Variants in NHSL1 observed in about 807,000 individuals in gnomAD.
NHSL1 encodes NHS like 1.
NHSL1 carries 48 observed loss-of-function variants against 95.0 expected under a neutral mutation model. That is an observed-to-expected ratio of 0.51 (90% CI 0.40 to 0.64). The LOEUF (loss-of-function observed/expected upper bound fraction) is 0.64. NHSL1 is among the 30% of genes least tolerant of loss of function. The pLI is 0.00. For missense variants in NHSL1, 1,971 were observed against 2,077.7 expected, an observed-to-expected ratio of 0.95 and a Z score of 1.00; for synonymous variants, 783 against 833.9, an observed-to-expected ratio of 0.94 and a Z score of 1.05.
chr6:138,561,349 T>G (rs1329397224), intron 1 of NHSL1, among the ~76,000 whole-genome samples: 1 of 152,082 alleles, frequency 6.6e-6, no homozygotes, highest in African/African-American at 2.4e-5. Context: ...GGAGTGATGA[T>G]CTCTTCTTTC....
At chr6:138,497,634 C>T (rs1206073786) in intron 1 of NHSL1, among the ~76,000 whole-genome samples, 4 of 152,118 alleles carry the variant, frequency 2.6e-5, no homozygotes, top group Admixed American at 6.5e-5. Context: ...TCAAATGAAC[C>T]AATATACATA....
chr6:138,629,328 A>G (rs1256852339), intron 1 of NHSL1, among the ~76,000 whole-genome samples: 1 of 152,182 alleles, frequency 6.6e-6, no homozygotes. Context: ...TATGTCCTGA[A>G]AGCACCAAAT....
intron 2 of NHSL1, among the ~76,000 whole-genome samples, chr6:138,487,170 T>C (rs1240785717): frequency 6.6e-6 from 1 of 152,038 alleles, no homozygotes; most frequent in Non-Finnish European, 1.5e-5. Flanking sequence ...GGAGCAAAGG[T>C]GATTCTGCAG....
intron 1 of NHSL1, among the ~76,000 whole-genome samples, chr6:138,601,959 A>T (rs1209135603): frequency 6.6e-6 from 1 of 152,260 alleles, no homozygotes; most frequent in East Asian, 1.9e-4. Context: ...ATCAGACTGC[A>T]AACCTATAAA....
chr6:138,635,895 C>T (rs959479931), intron 1 of NHSL1, among the ~76,000 whole-genome samples: 1 of 147,802 alleles, frequency 6.8e-6, no homozygotes, highest in African/African-American at 2.5e-5. Context: ...GAGCAGATCA[C>T]TTGAGATCAG....
intron 1 of NHSL1, among the ~76,000 whole-genome samples, chr6:138,571,246 T>G (rs1783827990): frequency 6.6e-6 from 1 of 152,208 alleles, no homozygotes; most frequent in Admixed American, 6.5e-5. Flanking sequence ...CAACACTGGT[T>G]TAATTCAAGC....
At chr6:138,490,409 G>A (rs368263120) in intron 2 of NHSL1, among the ~76,000 whole-genome samples, 2 of 152,112 alleles carry the variant, frequency 1.3e-5, no homozygotes, top group African/African-American at 4.8e-5. Flanking sequence ...AGGGACCCAC[G>A]TGCTCTAGGC....
chr6:138,690,861 T>C (rs1297278236), intron 1 of NHSL1, among the ~76,000 whole-genome samples: 1 of 152,232 alleles, frequency 6.6e-6, no homozygotes, highest in East Asian at 1.9e-4. Flanking sequence ...CAGTAGCCTA[T>C]TGGGGCATAT....
At chr6:138,603,765 A>G (rs1025908820) in intron 1 of NHSL1, among the ~76,000 whole-genome samples, 1 of 152,248 alleles carries the variant, frequency 6.6e-6, no homozygotes, top group African/African-American at 2.4e-5. Context: ...CTACCAAGGA[A>G]AATATGTATA....
chr6:138,469,983 G>A (rs1298584160), intron 3 of NHSL1, among the ~76,000 whole-genome samples: 1 of 152,000 alleles, frequency 6.6e-6, no homozygotes, highest in Non-Finnish European at 1.5e-5. Flanking sequence ...AGGCAGGAAG[G>A]GGAAGAAGGC....
chr6:138,517,792 C>T (rs1011528785), intron 1 of NHSL1, among the ~76,000 whole-genome samples: 1 of 152,196 alleles, frequency 6.6e-6, no homozygotes, highest in African/African-American at 2.4e-5. Context: ...TGGATGCCTA[C>T]ACTTGTGGAG....
chr6:138,461,412 G>A (rs1212889707), intron 3 of NHSL1, among the ~76,000 whole-genome samples: 2 of 152,322 alleles, frequency 1.3e-5, no homozygotes, highest in East Asian at 3.9e-4. Context: ...ATATTTGGAA[G>A]AAAAGGACTA....
chr6:138,498,650 A>G lies in NHSL1; in HGVS notation c.58+583T>C, dbSNP rs113813017. ...ACCTACATTAAAGAAATGTAAGTCAATGGTAAGTACACAATAAAGCCACAT... is the reference window on the plus strand; with the variant it reads ...ACCTACATTAAAGAAATGTAAGTCAGTGGTAAGTACACAATAAAGCCACAT... On this transcript the variant is annotated intron_variant, in intron 1 of 7. Coordinates refer to ENST00000343505, the MANE Select transcript of NHSL1 (RefSeq NM_001144060.2). Among the ~76,000 whole-genome samples, 29 of 152,372 alleles carry G rather than the reference A, an allele frequency of 1.9e-4. 4 individuals carry two copies. Among genetic ancestry groups the G allele is most frequent in the African/African-American group, 6.7e-4 (28 of 41,590 alleles).
At chr6:138,547,696 TAGAAC>T (rs1782855522), upstream of NHSL1, among the ~76,000 whole-genome samples, 1 of 152,106 alleles carries the variant, frequency 6.6e-6, no homozygotes, top group Non-Finnish European at 1.5e-5. Flanking sequence ...TATTAACTCT[TAGAAC>T]AGAATGGGAG....
intron 1 of NHSL1, among the ~76,000 whole-genome samples, chr6:138,521,399 G>A (rs1483443029): frequency 6.6e-6 from 1 of 152,176 alleles, no homozygotes; most frequent in Non-Finnish European, 1.5e-5. Context: ...CCAGAAGGTT[G>A]AGGCTGCAGT....
At chr6:138,457,937 G>T (rs1158753805) in intron 3 of NHSL1, among the ~76,000 whole-genome samples, 2 of 151,702 alleles carry the variant, frequency 1.3e-5, no homozygotes, top group Non-Finnish European at 2.9e-5. Context: ...GAACCCAGGA[G>T]GTGGAGGTTG....
At chr6:138,460,176 G>T (rs990205769) in intron 3 of NHSL1, among the ~76,000 whole-genome samples, 1 of 152,050 alleles carries the variant, frequency 6.6e-6, no homozygotes, top group African/African-American at 2.4e-5. Context: ...ACATACACAA[G>T]ACCATCTGGG....
At chr6:138,506,341 A>T (rs1780963403) in intron 1 of NHSL1, among the ~76,000 whole-genome samples, 1 of 152,212 alleles carries the variant, frequency 6.6e-6, no homozygotes, top group Non-Finnish European at 1.5e-5. Flanking sequence ...TAGCAAAATA[A>T]CAGTTTTGAA....
At chr6:138,582,177 G>A (rs868282164) in intron 1 of NHSL1, among the ~76,000 whole-genome samples, 5 of 152,094 alleles carry the variant, frequency 3.3e-5, no homozygotes, top group African/African-American at 4.8e-5. Flanking sequence ...GATTATAGGC[G>A]TGAGCCACTG....
Sources: allele counts gnomAD v4.1 joint callset (sites outside exome capture counted in the v4.1 genomes callset), GRCh38; gene constraint gnomAD v4.1.1; transcripts MANE v1.5; gene names NCBI Gene and HGNC (gene_info 2026-07-23, HGNC 2026-07-21).